IGBP1C: variants seen among roughly 807,000 people sequenced by gnomAD.
The protein encoded by IGBP1C is immunoglobulin-binding protein 1 family member C.
the IGBP1C span, among the ~76,000 whole-genome samples, chr17:58,682,264 T>C: frequency 9.6e-5 from 14 of 146,416 alleles, no homozygotes; most frequent in Middle Eastern, 3.8e-3. Flanking sequence ...GAGTCTTTCT[T>C]TTTTTTTTTT....
the IGBP1C span, among the ~76,000 whole-genome samples, chr17:58,662,452 CAG>C: frequency 6.8e-6 from 1 of 147,028 alleles, no homozygotes; most frequent in East Asian, 2.0e-4. Context: ...CACACACACA[CAG>C]AATCAAACCA....
chr17:58,680,020 C>T, the IGBP1C span, among the ~76,000 whole-genome samples: 23 of 152,064 alleles, frequency 1.5e-4, no homozygotes, highest in Non-Finnish European at 5.9e-5. Flanking sequence ...AGGTAAATAA[C>T]GTAAACTAGC....
the IGBP1C span, chr17:58,661,240 G>A: frequency 2.5e-6 from 2 of 794,748 alleles, no homozygotes; most frequent in Non-Finnish European, 4.6e-6. Context: ...CCACACGATA[G>A]TAATGGCACT....
At chr17:58,661,745 GA>G in the IGBP1C span, 1 of 559,832 alleles carries the variant, frequency 1.8e-6, no homozygotes, top group Non-Finnish European at 3.1e-6. Context: ...CGGCATAGGG[GA>G]AGGCAACGGA....
the IGBP1C span, among the ~76,000 whole-genome samples, chr17:58,669,382 G>C: frequency 6.6e-6 from 1 of 151,480 alleles, no homozygotes; most frequent in African/African-American, 2.4e-5. Flanking sequence ...ACAGGAGGGG[G>C]TGTGGAGAGG....
At chr17:58,688,941 T>C in the IGBP1C span, among the ~76,000 whole-genome samples, 3 of 151,874 alleles carry the variant, frequency 2.0e-5, no homozygotes, top group African/African-American at 7.2e-5. Context: ...ATACATATAT[T>C]TTTTTTTGAG....
At chr17:58,674,275 CA>C in the IGBP1C span, among the ~76,000 whole-genome samples, 116 of 134,252 alleles carry the variant, frequency 8.6e-4, no homozygotes, top group Non-Finnish European at 9.7e-4. Context: ...GACTCTGTCT[CA>C]AAAAAAAAAA....
chr17:58,662,415 TCACACA>T, the IGBP1C span, among the ~76,000 whole-genome samples: 1,268 of 114,972 alleles, frequency 0.011, 8 homozygotes, highest in Middle Eastern at 0.016. Context: ...CACACATATC[TCACACA>T]CACACACACA....
chr17:58,667,493 T>C, the IGBP1C span, among the ~76,000 whole-genome samples: 2 of 152,168 alleles, frequency 1.3e-5, no homozygotes, highest in Admixed American at 1.3e-4. Context: ...ACATCTACTG[T>C]TTACCATGCA....
the IGBP1C span, among the ~76,000 whole-genome samples, chr17:58,680,513 G>A: frequency 1.3e-5 from 2 of 152,068 alleles, no homozygotes; most frequent in African/African-American, 2.4e-5. Flanking sequence ...AGGCCAATGC[G>A]GGCAGATCAC....
the IGBP1C span, among the ~76,000 whole-genome samples, chr17:58,678,475 C>T: frequency 1.3e-5 from 2 of 152,050 alleles, no homozygotes; most frequent in Non-Finnish European, 2.9e-5. Context: ...CACATATACA[C>T]CACGGAACAC....
At chr17:58,683,491 G>A in the IGBP1C span, among the ~76,000 whole-genome samples, 4 of 151,988 alleles carry the variant, frequency 2.6e-5, no homozygotes, top group Middle Eastern at 3.4e-3. Context: ...GGCCAGGTGC[G>A]GTGGTTTACG....
At chr17:58,677,863 C>G in the IGBP1C span, 1 of 152,272 alleles carries the variant, frequency 6.6e-6, no homozygotes, top group Non-Finnish European at 1.5e-5. Flanking sequence ...GTTTAAGAGC[C>G]AGAAATGGCT....
At chr17:58,661,557 G>T in the IGBP1C span, 2 of 751,256 alleles carry the variant, frequency 2.7e-6, no homozygotes, top group Non-Finnish European at 2.5e-6. Flanking sequence ...AACAGCTCGG[G>T]GAGCCGCGGC....
the IGBP1C span, chr17:58,661,195 T>C: frequency 5.8e-5 from 46 of 799,134 alleles, no homozygotes; most frequent in Admixed American, 7.8e-4. Context: ...GATTTTCAGC[T>C]GAGTTGGTCT....
the IGBP1C span, among the ~76,000 whole-genome samples, chr17:58,691,666 C>CAA: frequency 0.62 from 65,865 of 106,520 alleles, 19,312 homozygotes; most frequent in Middle Eastern, 0.69. Flanking sequence ...GACTCTGTCT[C>CAA]AAAAAAAAAA....
At chr17:58,685,450 AG>A in the IGBP1C span, among the ~76,000 whole-genome samples, 4 of 151,618 alleles carry the variant, frequency 2.6e-5, no homozygotes, top group African/African-American at 9.7e-5. Flanking sequence ...AAAAAAAAAA[AG>A]AATGTCAGAT....
chr17:58,665,553 G>A, the IGBP1C span, among the ~76,000 whole-genome samples: 1 of 151,736 alleles, frequency 6.6e-6, no homozygotes, highest in African/African-American at 2.4e-5. Flanking sequence ...CCGAGATCGC[G>A]CCACTGCACT....
chr17:58,675,979 A>G, the IGBP1C span, among the ~76,000 whole-genome samples: 1 of 152,088 alleles, frequency 6.6e-6, no homozygotes, highest in Non-Finnish European at 1.5e-5. Context: ...TGGCTCACAC[A>G]TGTATATCCC....
Sources: allele counts gnomAD v4.1 joint callset (sites outside exome capture counted in the v4.1 genomes callset), GRCh38; gene constraint gnomAD v4.1.1; transcripts MANE v1.5; gene names NCBI Gene and HGNC (gene_info 2026-07-23, HGNC 2026-07-21).